The following RGL1 variants were observed in gnomAD, a reference collection of about 807,000 sequenced individuals.
RGL1 encodes the protein ral guanine nucleotide dissociation stimulator like 1.
Under a neutral mutation model 95.2 loss-of-function variants are expected in RGL1, and 24 were observed. That is an observed-to-expected ratio of 0.25 (90% CI 0.18 to 0.35). The LOEUF (loss-of-function observed/expected upper bound fraction) is 0.35, where lower values mean the gene tolerates loss of function less well. Among genes scored for constraint, RGL1 ranks in the 10% least tolerant of loss-of-function variants. RGL1 has a pLI of 1.00. For synonymous variants in RGL1, 329 were observed against 344.9 expected (o/e 0.95, Z 0.51); for missense variants, 715 against 936.3 (o/e 0.76, Z 3.08).
intron 1 of RGL1, among the ~76,000 whole-genome samples, chr1:183,650,254 T>TTCTTTAAAAAA (rs141508478): frequency 0.013 from 1,977 of 152,212 alleles, 52 homozygotes; most frequent in African/African-American, 0.046. Flanking sequence ...TTATTAAAAA[T>TTCTTTAAAAAA]AATATTCGGC....
chr1:183,752,707 T>TCTCTCTCTCC (rs1337166963), intron 2 of RGL1, among the ~76,000 whole-genome samples: 118 of 143,514 alleles, frequency 8.2e-4, no homozygotes, highest in African/African-American at 2.9e-3. Context: ...TCTCTCTCTT[T>TCTCTCTCTCC]CCCCTTTCCT....
At chr1:183,732,143 A>G (rs1426662670) in intron 1 of RGL1, among the ~76,000 whole-genome samples, 1 of 152,158 alleles carries the variant, frequency 6.6e-6, no homozygotes, top group Non-Finnish European at 1.5e-5. Flanking sequence ...CCCTCCAGCT[A>G]GAAAGTCAGG....
chr1:183,752,854 G>A (rs796524537), intron 2 of RGL1, among the ~76,000 whole-genome samples: 8 of 152,216 alleles, frequency 5.3e-5, no homozygotes, highest in African/African-American at 1.7e-4. Flanking sequence ...AGGGGAGCTA[G>A]CATAAAGTTT....
chr1:183,746,732 G>T (rs1430711374), intron 2 of RGL1, among the ~76,000 whole-genome samples: 1 of 151,414 alleles, frequency 6.6e-6, no homozygotes, highest in East Asian at 1.9e-4. Flanking sequence ...ATGCCATGGT[G>T]GTTAGCTGCA....
chr1:183,923,059 C>T (rs1369171129), intron 17 of RGL1, among the ~76,000 whole-genome samples: 1 of 152,186 alleles, frequency 6.6e-6, no homozygotes, highest in Non-Finnish European at 1.5e-5. Flanking sequence ...CTTGTCACTT[C>T]ACAGACAGTG....
chr1:183,661,452 A>C (rs1234056323), intron 1 of RGL1, among the ~76,000 whole-genome samples: 1 of 152,334 alleles, frequency 6.6e-6, no homozygotes, highest in Non-Finnish European at 1.5e-5. Flanking sequence ...AAACTAGAAA[A>C]TCTAGAAGAA....
At chr1:183,901,727 C>A (rs1668038745) in intron 11 of RGL1, among the ~76,000 whole-genome samples, 1 of 151,982 alleles carries the variant, frequency 6.6e-6, no homozygotes, top group Admixed American at 6.6e-5. Context: ...CTCCCTTCAT[C>A]CCCCATCTTC....
At chr1:183,827,517 A>G (rs1662950137) in intron 2 of RGL1, among the ~76,000 whole-genome samples, 1 of 152,250 alleles carries the variant, frequency 6.6e-6, no homozygotes, top group African/African-American at 2.4e-5. Context: ...CTTTTTGGCA[A>G]AATGAATGAG....
At position 183,733,925 on chromosome 1, in the gene RGL1, G is replaced by C. The variant is rs180700177; in HGVS notation, c.-32-8201G>C. ...GAGAAGGGATAAGGATTGGCTTAGA[G>C]CCAGCTCACTCTACATGCTCTCCCA... is the stretch of plus-strand genomic sequence containing the variant. On this transcript the variant is annotated intron_variant, in intron 1 of 18. Coordinates refer to the RGL1 transcript ENST00000304685. Among the ~76,000 whole-genome samples the C allele has an allele frequency of 9.1e-4, 138 of 152,348 alleles. 1 individual carries two copies. Among genetic ancestry groups the C allele is most frequent in the Admixed American group, 2.7e-3 (41 of 15,304 alleles).
chr1:183,865,443 C>G (rs952537731), intron 3 of RGL1, among the ~76,000 whole-genome samples: 1 of 152,196 alleles, frequency 6.6e-6, no homozygotes, highest in Non-Finnish European at 1.5e-5. Flanking sequence ...GTCCTTGTCT[C>G]TATCCCAGCC....
chr1:183,878,528 A>G (rs943555517), intron 4 of RGL1, among the ~76,000 whole-genome samples: 2 of 152,210 alleles, frequency 1.3e-5, no homozygotes, highest in African/African-American at 4.8e-5. Context: ...ATGTATACAT[A>G]TCCACAGAAA....
intron 4 of RGL1, among the ~76,000 whole-genome samples, chr1:183,876,343 G>A (rs1558265225): frequency 1.3e-5 from 2 of 152,230 alleles, no homozygotes; most frequent in Non-Finnish European, 2.9e-5. Context: ...GCAGTCGGTT[G>A]GAAAAGAATC....
At chr1:183,877,041 A>G (rs1666534901) in intron 4 of RGL1, among the ~76,000 whole-genome samples, 1 of 152,218 alleles carries the variant, frequency 6.6e-6, no homozygotes, top group Admixed American at 6.5e-5. Flanking sequence ...AGAAGGTGTT[A>G]TTATATCTCT....
chr1:183,698,653 A>G (rs1286568487), intron 1 of RGL1, among the ~76,000 whole-genome samples: 1 of 152,254 alleles, frequency 6.6e-6, no homozygotes, highest in Non-Finnish European at 1.5e-5. Context: ...CAACTTAAAG[A>G]CAGCACTCTA....
chr1:183,757,569 C>T (rs1658419728), intron 2 of RGL1, among the ~76,000 whole-genome samples: 1 of 152,120 alleles, frequency 6.6e-6, no homozygotes, highest in South Asian at 2.1e-4. Context: ...ATATATGAAT[C>T]TCTGAGATGG....
chr1:183,711,980 C>T (rs1013877233), intron 1 of RGL1, among the ~76,000 whole-genome samples: 15 of 152,246 alleles, frequency 9.9e-5, no homozygotes, highest in African/African-American at 3.6e-4. Context: ...AGTAGCAGTG[C>T]AGATTTACTT....
chr1:183,648,930 G>T (rs12088609), intron 1 of RGL1: 55,040 of 628,290 alleles, frequency 0.088, 3,630 homozygotes, highest in African/African-American at 0.26. Flanking sequence ...AGTGATATAT[G>T]CATAGATTTA....
Position 183,916,448 on chromosome 1 carries a change from T to C in RGL1, c.1751T>C (p.Leu584Pro), listed in dbSNP as rs1400789129. ...TCTGGGGTGTGTTTACTCTTCCAGC[T>C]CTCTGAGTCCTCCTCATCCTGTTCT... ...MDTPDEPQKK[L>P]SESSSSCSSI... The change falls in exon 16 of 18, where the codon CTC becomes CCC. Residue 584 changes from leucine to proline, a missense_variant and splice_region_variant. By Grantham distance (98) the Leu-to-Pro change is moderately conservative. Transcript: ENST00000360851. 1 of 1,614,012 alleles carries C rather than the reference T, an allele frequency of 6.2e-7. No homozygotes were observed. Among genetic ancestry groups the C allele is most frequent in the South Asian group, 1.1e-5 (1 of 91,068 alleles).
intron 9 of RGL1, among the ~76,000 whole-genome samples, chr1:183,895,743 G>A (rs1413644570): frequency 6.6e-6 from 1 of 152,122 alleles, no homozygotes. Flanking sequence ...TGAAACTGCT[G>A]GATGTGGCAG....
Sources: gnomAD v4.1 joint callset for allele counts (sites outside exome capture counted in the v4.1 genomes callset) on GRCh38, gnomAD v4.1.1 for gene constraint, MANE v1.5 for transcripts, NCBI Gene and HGNC (gene_info 2026-07-23, HGNC 2026-07-21) for gene names.